The following CES1 variants were observed in gnomAD, a reference collection of about 807,000 sequenced individuals.
CES1 encodes the protein liver carboxylesterase 1.
A neutral mutation model predicts 53.0 loss-of-function variants in CES1; 50 were observed. That is an observed-to-expected ratio of 0.94 (90% CI 0.75 to 1.19). CES1 has a LOEUF of 1.19. CES1 is among the 50% of genes most tolerant of loss of function. The pLI is 0.00. For missense variants in CES1, 534 were observed against 538.0 expected (o/e 0.99, Z 0.07); for synonymous variants, 202 against 210.1 (o/e 0.96, Z 0.33).
chr16:55,827,900 C>T (rs1399496746), intron 2 of CES1: 4 of 152,316 alleles, frequency 2.6e-5, no homozygotes, highest in Admixed American at 2.6e-4. Context: ...ATCTAAAATA[C>T]TGATAGTTGT....
chr16:55,809,344 G>A (rs2031583926), intron 11 of CES1, among the ~76,000 whole-genome samples: 1 of 152,210 alleles, frequency 6.6e-6, no homozygotes, highest in South Asian at 2.1e-4. Context: ...GCAAAGGTGT[G>A]TCAGGGCACC....
intron 10 of CES1, 93 bp downstream of exon 10, chr16:55,810,834 G>A: frequency 7.1e-7 from 1 of 1,411,150 alleles, no homozygotes; most frequent in Non-Finnish European, 1.0e-6. Context: ...TGAGGCCCCA[G>A]TCTTCATTCT....
chr16:55,812,684 C>A (rs565783721), intron 9 of CES1, among the ~76,000 whole-genome samples: 204 of 152,126 alleles, frequency 1.3e-3, no homozygotes, highest in Non-Finnish European at 2.5e-3. Flanking sequence ...AATAGGAAGA[C>A]AATAAGAGAG....
In CES1 at chr16:55,823,809, C is replaced by A; in HGVS notation, c.406-126G>T. Reference sequence around the variant, plus strand: ...GAGGATGCTATCCAAAGTTCACCAGCTCCCAGCAACTTTGCAAAAGGCAAT... The same window carrying A: ...GAGGATGCTATCCAAAGTTCACCAGATCCCAGCAACTTTGCAAAAGGCAAT... On this transcript the variant is annotated intron_variant, in intron 3 of 13. Transcript: ENST00000360526. 3 of 1,555,052 alleles carry A rather than the reference C, an allele frequency of 1.9e-6. No individual in the cohort carries two copies. The South Asian group carries it at 3.4e-5, about 18-fold the overall frequency.
chr16:55,818,074 C>A lies in CES1; in HGVS notation c.907-1112G>T, dbSNP rs1315303971. On this transcript the variant is annotated intron_variant, in intron 7 of 13. Transcript: ENST00000360526. Reference sequence around the variant, plus strand: ...ACATTGGACTCAACTCATGGAAACACAAGCAGAGTCCAGTGATAGAGGCCA... The same window carrying A: ...ACATTGGACTCAACTCATGGAAACAAAAGCAGAGTCCAGTGATAGAGGCCA... Among the ~76,000 whole-genome samples the A allele has an allele frequency of 2.6e-5, 4 of 152,326 alleles. No homozygotes were observed. In the South Asian group the frequency reaches 8.3e-4, roughly 32 times the overall value.
In CES1 at chr16:55,813,022, C is replaced by A; in HGVS notation, c.967G>T (p.Val323Leu). The change falls in exon 9 of 14, where the codon GTG becomes TTG. Residue 323 changes from valine (V) to leucine (L), a missense_variant. This residue lies in a region of CES1 where 269 missense variants were observed against 206.6 expected (regional missense o/e 1.30). Coordinates refer to ENST00000360526, the MANE Select transcript of CES1 (RefSeq NM_001025195.2). ...PRESQPLLGT[V>L]IDGMLLLKTP... ...TTCAGCAGCAGCATCCCATCAATCA[C>A]AGTGCCCAGAAGGGGTTGACTCTGG... The A allele has an allele frequency of 6.2e-7, 1 of 1,614,028 alleles. No homozygotes were observed. Among genetic ancestry groups the A allele is most frequent in the African/African-American group, 1.3e-5 (1 of 75,022 alleles).
intron 7 of CES1, among the ~76,000 whole-genome samples, chr16:55,817,670 G>A (rs1292122175): frequency 6.6e-6 from 1 of 151,884 alleles, no homozygotes; most frequent in African/African-American, 2.4e-5. Context: ...GTGTGTGTAT[G>A]AGTGTGTCTG....
At chr16:55,812,763 G>C in intron 9 of CES1, 140 bp downstream of exon 9, 1 of 1,239,398 alleles carries the variant, frequency 8.1e-7, no homozygotes, top group Non-Finnish European at 1.2e-6. Flanking sequence ...GAAGATTTCC[G>C]TGGAAATGTT....
At chr16:55,829,587 A>G (rs1245089591) in intron 1 of CES1, among the ~76,000 whole-genome samples, 3 of 152,266 alleles carry the variant, frequency 2.0e-5, no homozygotes, top group African/African-American at 7.2e-5. Flanking sequence ...GCTGAGGCTC[A>G]GAGCAGCAGA....
At chr16:55,824,095 A>G (rs1368428686) in intron 3 of CES1, among the ~76,000 whole-genome samples, 1 of 152,206 alleles carries the variant, frequency 6.6e-6, no homozygotes, top group African/African-American at 2.4e-5. Context: ...TCAGTTAACT[A>G]TCTCTTGGTG....
Position 55,819,595 on chromosome 16 carries a change from G to T in CES1, c.846C>A (p.Val282=), listed in dbSNP as rs574531334. 4.6e-5 allele frequency: 74 copies of T among 1,614,150 alleles called. No homozygotes were observed. The East Asian group carries it at 1.6e-3, about 34-fold the overall frequency. The stretch of plus-strand genomic sequence containing the variant: ...TCTTCTGTCGCAGGCAGTGAACCAT[G>T]ACAGCAGAGGTGGTGGTTTTGCACC... ...TAGCKTTTSA[V]MVHCLRQKTE... is the part of the protein sequence containing the mutation. The change falls in exon 7 of 14, where the codon GTC becomes GTA. Residue 282 remains valine, a synonymous_variant. Transcript: ENST00000360526.
chr16:55,812,963 GA>G lies in CES1; in HGVS notation c.1025del (p.Phe342SerfsTer18), dbSNP rs1567493920. On this transcript the variant is annotated frameshift_variant, in exon 9 of 14. Coordinates refer to ENST00000360526, the MANE Select transcript of CES1 (RefSeq NM_001025195.2). LOFTEE classifies it high-confidence loss of function. ...TTCCGACCATGTAGGGGACAGTGTG[GA>G]AATTCCTTTCAGCTTGAAGCTCTTC... ...TPEELQAERN[F>X]HTVPYMVGIN... The G allele has an allele frequency of 6.2e-7, 1 of 1,614,052 alleles. No individual in the cohort carries two copies. The highest frequency in any genetic ancestry group is 2.2e-5 in the East Asian group (1 of 44,888).
intron 1 of CES1, among the ~76,000 whole-genome samples, chr16:55,829,887 G>A (rs572143352): frequency 8.5e-5 from 13 of 152,302 alleles, no homozygotes; most frequent in Non-Finnish European, 1.6e-4. Flanking sequence ...CACAGCCTCC[G>A]CATCAGTTCT....
intron 10 of CES1, 30 bp downstream of exon 10, chr16:55,810,897 A>C (rs764828521): frequency 1.3e-6 from 2 of 1,593,688 alleles, no homozygotes; most frequent in Non-Finnish European, 1.7e-6. Flanking sequence ...TCTGGGTCTC[A>C]GCCAATTCCC....
At chr16:55,822,526 A>G (rs1197445462) in intron 4 of CES1, among the ~76,000 whole-genome samples, 2 of 151,774 alleles carry the variant, frequency 1.3e-5, no homozygotes, top group Admixed American at 6.6e-5. Flanking sequence ...TCTGTTGGGG[A>G]GGGGCAGTGG....
chr16:55,829,819 G>T (rs1259551789), intron 1 of CES1, among the ~76,000 whole-genome samples: 2 of 152,246 alleles, frequency 1.3e-5, no homozygotes, highest in Admixed American at 1.3e-4. Flanking sequence ...CCCTGGGCAG[G>T]TCTGCTCCAT....
In CES1 at chr16:55,812,841, A is replaced by G. The variant is rs1213331933; in HGVS notation, c.1086+62T>C. On this transcript the variant is annotated intron_variant, in intron 9 of 13. Transcript: ENST00000360526. ...GCTCGGAGAGGGAAGCATTCCTGGG[A>G]CCAGAGACAGGAGGGCTGATGGGGG... 30 of 1,608,846 alleles carry G rather than the reference A, an allele frequency of 1.9e-5. No homozygotes were observed. The East Asian group carries it at 6.2e-4, about 33-fold the overall frequency.
At position 55,828,752 on chromosome 16, in the gene CES1, C is replaced by T. The variant is rs764974848; in HGVS notation, c.260+15G>A. 2 of 1,614,188 alleles carry T rather than the reference C, an allele frequency of 1.2e-6. No individual in the cohort carries two copies. Among genetic ancestry groups the T allele is most frequent in the Middle Eastern group, 1.7e-4 (1 of 6,058 alleles). On this transcript the variant is annotated intron_variant, in intron 2 of 13. Transcript: ENST00000360526. Reference sequence around the variant, plus strand: ...TTTGAGGTAAACATCCCCAAGGACACATGCCGCAGCTTACATAGGAGGGTA... The same window carrying T: ...TTTGAGGTAAACATCCCCAAGGACATATGCCGCAGCTTACATAGGAGGGTA...
At chr16:55,812,701 G>A (rs1446025281) in intron 9 of CES1, among the ~76,000 whole-genome samples, 1 of 152,158 alleles carries the variant, frequency 6.6e-6, no homozygotes, top group Non-Finnish European at 1.5e-5. Context: ...AGAGTCTGGG[G>A]AGAGGGAATC....
Sources: gnomAD v4.1 joint callset for allele counts (sites outside exome capture counted in the v4.1 genomes callset) on GRCh38, gnomAD v4.1.1 for gene constraint, gnomAD v4.1.1 regional missense constraint, MANE v1.5 for transcripts, NCBI Gene and HGNC (gene_info 2026-07-23, HGNC 2026-07-21) for gene names.